Variants in ENTREP2 observed in about 807,000 individuals in gnomAD.
The protein encoded by ENTREP2 is endosomal transmembrane epsin interactor 2, also known as protein ENTREP2.
chr15:29,543,315 C>T, the ENTREP2 span, among the ~76,000 whole-genome samples: 2 of 152,210 alleles, frequency 1.3e-5, no homozygotes, highest in African/African-American at 4.8e-5. Context: ...CCACTGCAGA[C>T]ATAGATGACT....
the ENTREP2 span, among the ~76,000 whole-genome samples, chr15:29,505,628 A>G: frequency 6.6e-6 from 1 of 152,124 alleles, no homozygotes; most frequent in African/African-American, 2.4e-5. This position sits in a 1 kb window ranked among gnomAD's most constrained non-coding sequence, Gnocchi z 4.3. Context: ...TCTGGAGTGG[A>G]CCTCCAGCAA....
At chr15:29,172,285 G>T in the ENTREP2 span, among the ~76,000 whole-genome samples, 1 of 152,282 alleles carries the variant, frequency 6.6e-6, no homozygotes, top group African/African-American at 2.4e-5. Context: ...GATTGTGAAG[G>T]ACAGTAATTT....
the ENTREP2 span, among the ~76,000 whole-genome samples, chr15:29,614,911 A>G: frequency 2.6e-5 from 4 of 152,162 alleles, no homozygotes; most frequent in African/African-American, 9.7e-5. Context: ...TTAAGTAACA[A>G]TAAAAAAAAA....
chr15:29,126,529 G>A, the ENTREP2 span: 13 of 1,524,752 alleles, frequency 8.5e-6, no homozygotes, highest in South Asian at 2.4e-5. Flanking sequence ...GTGGGCGGCC[G>A]CAGGGGACGC....
the ENTREP2 span, among the ~76,000 whole-genome samples, chr15:29,595,811 C>CT: frequency 6.6e-6 from 1 of 152,002 alleles, no homozygotes; most frequent in Admixed American, 6.6e-5. Flanking sequence ...TTATAGCCTC[C>CT]TTTTTTTGGT....
the ENTREP2 span, among the ~76,000 whole-genome samples, chr15:29,453,879 C>T: frequency 1.3e-5 from 2 of 152,152 alleles, no homozygotes. Flanking sequence ...ATAGTATAAC[C>T]ACCCTGCTAT....
the ENTREP2 span, among the ~76,000 whole-genome samples, chr15:29,223,636 T>G: frequency 2.6e-5 from 4 of 152,288 alleles, no homozygotes; most frequent in East Asian, 7.7e-4. Context: ...GAGACCACAC[T>G]TCTTGCAGAC....
the ENTREP2 span, among the ~76,000 whole-genome samples, chr15:29,650,694 G>A: frequency 3.7e-4 from 56 of 152,124 alleles, no homozygotes; most frequent in African/African-American, 1.2e-3. Context: ...TAAATTGGTG[G>A]TGATGTGCGC....
the ENTREP2 span, among the ~76,000 whole-genome samples, chr15:29,215,716 A>G: frequency 6.6e-6 from 1 of 151,802 alleles, no homozygotes; most frequent in Non-Finnish European, 1.5e-5. Flanking sequence ...AAGAATAGCT[A>G]CCCCTGCTCC....
the ENTREP2 span, among the ~76,000 whole-genome samples, chr15:29,300,300 ATGGATG>A: frequency 1.8e-3 from 1 of 542 alleles, no homozygotes; most frequent in Non-Finnish European, 3.6e-3. Flanking sequence ...AGGTGGGTAG[ATGGATG>A]GATGGATGGA....
chr15:29,425,209 T>TA, the ENTREP2 span, among the ~76,000 whole-genome samples: 8 of 149,470 alleles, frequency 5.4e-5, no homozygotes, highest in African/African-American at 2.0e-4. Context: ...GTTTTTTTTT[T>TA]TGTATTTTTT....
chr15:29,152,858 C>T, the ENTREP2 span, among the ~76,000 whole-genome samples: 1 of 152,148 alleles, frequency 6.6e-6, no homozygotes, highest in Non-Finnish European at 1.5e-5. Context: ...ATTTTAAAAA[C>T]TGAAAAAATG....
At chr15:29,255,496 G>C in the ENTREP2 span, among the ~76,000 whole-genome samples, 1 of 152,048 alleles carries the variant, frequency 6.6e-6, no homozygotes, top group Non-Finnish European at 1.5e-5. Flanking sequence ...ACGACCATTC[G>C]ACCCAGCAAT....
the ENTREP2 span, among the ~76,000 whole-genome samples, chr15:29,655,928 G>A: frequency 1.3e-5 from 2 of 151,472 alleles, no homozygotes; most frequent in African/African-American, 4.9e-5. Context: ...AGGATGCTGA[G>A]GCATGAGAAT....
the ENTREP2 span, chr15:29,234,532 T>C: frequency 4.6e-5 from 63 of 1,376,944 alleles, no homozygotes; most frequent in Non-Finnish European, 6.1e-5. Context: ...AATATGGTAT[T>C]GGTGGGCAAA....
the ENTREP2 span, among the ~76,000 whole-genome samples, chr15:29,258,746 T>C: frequency 8.1e-4 from 124 of 152,258 alleles, no homozygotes; most frequent in East Asian, 4.4e-3. Context: ...TTATCCTCCC[T>C]CCTCCTAGCC....
chr15:29,125,008 C>T, the ENTREP2 span, among the ~76,000 whole-genome samples: 1 of 152,230 alleles, frequency 6.6e-6, no homozygotes, highest in African/African-American at 2.4e-5. Flanking sequence ...TCAAAGAAAG[C>T]CCAGCACCCT....
the ENTREP2 span, among the ~76,000 whole-genome samples, chr15:29,635,462 C>A: frequency 6.6e-6 from 1 of 152,136 alleles, no homozygotes; most frequent in South Asian, 2.1e-4. Context: ...GCTCAGGAGT[C>A]CTGCACTGTA....
At chr15:29,585,386 CA>C in the ENTREP2 span, among the ~76,000 whole-genome samples, 1 of 152,118 alleles carries the variant, frequency 6.6e-6, no homozygotes, top group Non-Finnish European at 1.5e-5. Context: ...AGCCAATAAG[CA>C]CATGCAGAGA....
Sources: allele counts gnomAD v4.1 joint callset (sites outside exome capture counted in the v4.1 genomes callset), GRCh38; gene constraint gnomAD v4.1.1; non-coding constraint Gnocchi (gnomAD v3.1); transcripts MANE v1.5; gene names NCBI Gene and HGNC (gene_info 2026-07-23, HGNC 2026-07-21).